ASB13: variants seen among roughly 807,000 people sequenced by gnomAD.
The protein encoded by ASB13 is ankyrin repeat and SOCS box protein 13.
ASB13 carries 33 observed loss-of-function variants against 28.8 expected under a neutral mutation model. The ratio of observed to expected loss-of-function variants is 1.15; its 90% CI spans 0.87 to 1.53. ASB13 has a LOEUF of 1.53. ASB13 is among the 40% of genes most tolerant of loss of function. ASB13 has a pLI of 0.00. For missense variants in ASB13, 414 were observed against 390.1 expected (o/e 1.06, Z -0.52); for synonymous variants, 182 against 172.9 (o/e 1.05, Z -0.41).
Position 5,659,961 on chromosome 10 carries a change from G to A in ASB13, c.43+6548C>T, listed in dbSNP as rs915843746. Among the ~76,000 whole-genome samples, 19 of 152,280 alleles carry A rather than the reference G, an allele frequency of 1.2e-4. No individual in the cohort carries two copies. Among genetic ancestry groups the A allele is most frequent in the East Asian group, 5.8e-4 (3 of 5,182 alleles). On this transcript the variant is annotated intron_variant, in intron 1 of 5. Transcript: ENST00000357700. This position sits in a 1 kb window ranked among gnomAD's most constrained non-coding sequence, Gnocchi z 5.8. ...GCACACTCTGGCCAAGCGGGGGCTC[G>A]TGCATCCATTAAATGAAGAACTTGT... is the stretch of plus-strand genomic sequence containing the variant.
rs1564514551 is a variant in ASB13, at chr10:5,640,673, G to A, written c.*30C>T. 3.1e-6 allele frequency: 5 copies of A among 1,613,688 alleles called. No individual in the cohort carries two copies. The highest frequency in any genetic ancestry group is 4.5e-5 in the East Asian group (2 of 44,864). On this transcript the variant is annotated 3_prime_UTR_variant, in exon 6 of 6. Coordinates refer to ENST00000357700, the MANE Select transcript of ASB13 (RefSeq NM_024701.4). Reference sequence around the variant, plus strand: ...CCCGGGCAATGCTGGGCACAACGGGGGCAGCCACGGTCCGGACCCCACCTG... The same window carrying A: ...CCCGGGCAATGCTGGGCACAACGGGAGCAGCCACGGTCCGGACCCCACCTG...
intron 4 of ASB13, among the ~76,000 whole-genome samples, chr10:5,643,134 C>T (rs987578318): frequency 3.9e-5 from 6 of 152,110 alleles, no homozygotes; most frequent in African/African-American, 4.8e-5. Context: ...CCAAGCAAAT[C>T]GCCCAGCATC....
At chr10:5,646,558 A>G (rs988397716) in intron 4 of ASB13, among the ~76,000 whole-genome samples, 1 of 152,192 alleles carries the variant, frequency 6.6e-6, no homozygotes, top group African/African-American at 2.4e-5. Context: ...GCAACGTTCA[A>G]AGAAACTGAG....
chr10:5,651,517 C>T lies in ASB13; in HGVS notation c.232-154G>A, dbSNP rs1391309727. 3 of 821,304 alleles carry T rather than the reference C, an allele frequency of 3.7e-6. No homozygotes were observed. The highest frequency in any genetic ancestry group is 3.5e-5 in the African/African-American group (2 of 57,512). The allele number at this position is 821,304 out of a possible 1,614,324, so 50.9% of individuals were successfully genotyped here. A position where few individuals can be genotyped will look rare whatever the true frequency, so the allele number is the denominator to read the frequency against. On this transcript the variant is annotated intron_variant, in intron 2 of 5. Coordinates refer to ENST00000357700, the MANE Select transcript of ASB13 (RefSeq NM_024701.4). This position sits in a 1 kb window ranked among gnomAD's most constrained non-coding sequence, Gnocchi z 5.1. ...TAGGCAACGACACTGAAAGAGATAG[C>T]ACGTGGCTGCGGAGCACCGACGGCC... is the stretch of plus-strand genomic sequence containing the variant.
Position 5,649,619 on chromosome 10 carries a change from G to A in ASB13, c.383-515C>T, listed in dbSNP as rs1224175054. 3.3e-5 allele frequency among the ~76,000 whole-genome samples: 5 copies of A among 151,480 alleles called. No homozygotes were observed. The highest frequency in any genetic ancestry group is 1.2e-4 in the African/African-American group (5 of 41,194). ...CAGCTCACTACAACCGCCATCTCCC[G>A]GGTTAAAGCGATTCTCCCACCTCAG... On this transcript the variant is annotated intron_variant, in intron 3 of 5. Transcript: ENST00000357700. This position sits in a 1 kb window ranked among gnomAD's most constrained non-coding sequence, Gnocchi z 6.4.
rs74901523 is a variant in ASB13, at chr10:5,642,254, C to T, written c.518-293G>A. Among the ~76,000 whole-genome samples the T allele has an allele frequency of 0.031, 4,719 of 152,176 alleles. 90 individuals carry two copies. Among genetic ancestry groups the T allele is most frequent in the Non-Finnish European group, 0.049 (3,299 of 67,990 alleles). The stretch of plus-strand genomic sequence containing the variant: ...CGAAAAATGTCCTGAGTTAAACAAC[C>T]GTTCTAATGCCCTATCAATCTGCCT... On this transcript the variant is annotated intron_variant, in intron 4 of 5. Transcript: ENST00000357700. This position sits in a 1 kb window ranked among gnomAD's most constrained non-coding sequence, Gnocchi z 4.1.
At chr10:5,665,987 C>T (rs954318814) in intron 1 of ASB13, among the ~76,000 whole-genome samples, 25 of 152,322 alleles carry the variant, frequency 1.6e-4, no homozygotes, top group African/African-American at 5.8e-4. Context: ...TCGGAGTGTG[C>T]CGGGGTGCCC....
chr10:5,647,681 G>A (rs558053378), intron 4 of ASB13, among the ~76,000 whole-genome samples: 77 of 152,242 alleles, frequency 5.1e-4, no homozygotes, highest in Non-Finnish European at 9.4e-4. Flanking sequence ...GACACACCAG[G>A]CACCGGGGAA....
Position 5,642,522 on chromosome 10 carries a change from C to A in ASB13, c.518-561G>T. On this transcript the variant is annotated intron_variant, in intron 4 of 5. Transcript: ENST00000357700. This position sits in a 1 kb window ranked among gnomAD's most constrained non-coding sequence, Gnocchi z 4.1. Reference sequence around the variant, plus strand: ...AGAGAGTAAGCTCTGCACTCCTCAACTTTCTCACGATAAGAGCAGACATTC... The same window carrying A: ...AGAGAGTAAGCTCTGCACTCCTCAAATTTCTCACGATAAGAGCAGACATTC... 8.0e-7 allele frequency: 1 copy of A among 1,245,856 alleles called. No homozygotes were observed. Among genetic ancestry groups the A allele is most frequent in the Non-Finnish European group, 1.0e-6 (1 of 976,276 alleles). 77.2% of individuals were successfully genotyped at this position (1,245,856 alleles called of 1,614,324 possible).
At position 5,652,906 on chromosome 10, in the gene ASB13, C is replaced by T. The variant is rs1313243479; in HGVS notation, c.188G>A (p.Gly63Asp). ...ITPLHAASLQ[G>D]QARCVQLLLA... is the part of the protein sequence containing the mutation. ...CAGCAGCTGCACACACCGCGCCTGG[C>T]CCTGCAGACTGGCTGCGTGCAGGGG... Residue 63 changes from glycine to aspartate, a missense_variant, in exon 2 of 6, where the codon GGC becomes GAC. Coordinates refer to ENST00000357700, the MANE Select transcript of ASB13 (RefSeq NM_024701.4). This position sits in a 1 kb window ranked among gnomAD's most constrained non-coding sequence, Gnocchi z 5.0. 1.9e-6 allele frequency: 3 copies of T among 1,584,268 alleles called. No homozygotes were observed. The highest frequency in any genetic ancestry group is 2.3e-5 in the South Asian group (2 of 86,494).
intron 1 of ASB13, among the ~76,000 whole-genome samples, chr10:5,654,815 G>T (rs1414616272): frequency 6.6e-6 from 1 of 152,138 alleles, no homozygotes; most frequent in Non-Finnish European, 1.5e-5. Context: ...AGTGCATCTG[G>T]GCTAGGTGCG....
intron 4 of ASB13, among the ~76,000 whole-genome samples, chr10:5,643,434 A>G (rs1834838573): frequency 6.6e-6 from 1 of 152,198 alleles, no homozygotes; most frequent in Non-Finnish European, 1.5e-5. Flanking sequence ...CCAGCCCTCC[A>G]AAGTGATGAC....
At chr10:5,657,234 T>G (rs1835087857) in intron 1 of ASB13, among the ~76,000 whole-genome samples, 1 of 151,124 alleles carries the variant, frequency 6.6e-6, no homozygotes, top group African/African-American at 2.4e-5. Flanking sequence ...ACAATCAGAG[T>G]GAAATGGCAA....
Position 5,642,585 on chromosome 10 carries a change from T to C in ASB13, c.518-624A>G, listed in dbSNP as rs1393252207. On this transcript the variant is annotated intron_variant, in intron 4 of 5. Transcript: ENST00000357700. This position sits in a 1 kb window ranked among gnomAD's most constrained non-coding sequence, Gnocchi z 4.1. ...AAAAGTAAAGGTAAAAAAAAATTTT[T>C]TTTTAAAAAAAAGAGCAGACATTCA... 3.4e-6 allele frequency: 4 copies of C among 1,177,850 alleles called. No homozygotes were observed. Among genetic ancestry groups the C allele is most frequent in the Non-Finnish European group, 4.4e-6 (4 of 914,322 alleles). The allele number at this position is 1,177,850 out of a possible 1,614,324, so 73.0% of individuals were successfully genotyped here. A position where few individuals can be genotyped will look rare whatever the true frequency, so the allele number is the denominator to read the frequency against.
Position 5,649,129 on chromosome 10 carries a change from G to A in ASB13, c.383-25C>T, listed in dbSNP as rs778377454. 2.5e-6 allele frequency: 4 copies of A among 1,613,484 alleles called. No individual in the cohort carries two copies. Among genetic ancestry groups the A allele is most frequent in the Non-Finnish European group, 3.4e-6 (4 of 1,179,878 alleles). On this transcript the variant is annotated intron_variant, in intron 3 of 5. Coordinates refer to ENST00000357700, the MANE Select transcript of ASB13 (RefSeq NM_024701.4). The surrounding 1 kb of genome is among the most constrained non-coding windows in gnomAD (Gnocchi z 6.4). ...CCTTAAGATAAATGGAAAAGGGGGGGAATGTCCTTGAATACGGACACTGGA... is the reference window on the plus strand; with the variant it reads ...CCTTAAGATAAATGGAAAAGGGGGGAAATGTCCTTGAATACGGACACTGGA...
At chr10:5,654,702 C>T (rs1835044409) in intron 1 of ASB13, among the ~76,000 whole-genome samples, 1 of 152,212 alleles carries the variant, frequency 6.6e-6, no homozygotes, top group Non-Finnish European at 1.5e-5. Context: ...GACAAGATCA[C>T]ATCACACACC....
intron 4 of ASB13, among the ~76,000 whole-genome samples, chr10:5,648,272 C>T (rs1294508554): frequency 6.6e-6 from 1 of 150,732 alleles, no homozygotes; most frequent in Non-Finnish European, 1.5e-5. Flanking sequence ...CTCAGGTAAA[C>T]ACCCACGTGG....
chr10:5,657,078 T>C (rs1261114689), intron 1 of ASB13, among the ~76,000 whole-genome samples: 1 of 152,246 alleles, frequency 6.6e-6, no homozygotes, highest in Admixed American at 6.5e-5. Context: ...TTTATTTCTC[T>C]GTATCACCAG....
rs978340722 is a variant in ASB13, at chr10:5,642,612, A to C, written c.518-651T>G. The C allele has an allele frequency of 2.3e-6, 2 of 864,724 alleles. No individual in the cohort carries two copies. Among genetic ancestry groups the C allele is most frequent in the African/African-American group, 1.8e-5 (1 of 55,602 alleles). The allele number at this position is 864,724 out of a possible 1,614,324, so 53.6% of individuals were successfully genotyped here. A position where few individuals can be genotyped will look rare whatever the true frequency, so the allele number is the denominator to read the frequency against. On this transcript the variant is annotated intron_variant, in intron 4 of 5. Transcript: ENST00000357700. This position sits in a 1 kb window ranked among gnomAD's most constrained non-coding sequence, Gnocchi z 4.1. ...TTTAAAAAAAAGAGCAGACATTCAG[A>C]AAGATGCAAGGAATTAGTAGCTAAA...
Sources: gnomAD v4.1 joint callset for allele counts (sites outside exome capture counted in the v4.1 genomes callset) on GRCh38, gnomAD v4.1.1 for gene constraint, Gnocchi (gnomAD v3.1) non-coding constraint, MANE v1.5 for transcripts, NCBI Gene and HGNC (gene_info 2026-07-23, HGNC 2026-07-21) for gene names.